The following MACROD2 variants were observed in gnomAD, a reference collection of about 807,000 sequenced individuals.
MACROD2 encodes the protein ADP-ribose glycohydrolase MACROD2.
A neutral mutation model predicts 70.4 loss-of-function variants in MACROD2; 36 were observed. The observed-to-expected ratio is 0.51, with a 90% CI of 0.39 to 0.68. The LOEUF is 0.68. MACROD2 is among the 30% of genes least tolerant of loss of function. The pLI is 0.00. For missense variants in MACROD2, 496 were observed against 538.4 expected (o/e 0.92, Z 0.78); for synonymous variants, 172 against 178.8 (o/e 0.96, Z 0.30).
intron 5 of MACROD2, among the ~76,000 whole-genome samples, chr20:14,768,103 G>A (rs1248796688): frequency 6.6e-6 from 1 of 152,066 alleles, no homozygotes; most frequent in Non-Finnish European, 1.5e-5. Flanking sequence ...AAACATATGT[G>A]TGCATGTGTC....
chr20:14,888,832 C>A (rs1425019900), intron 5 of MACROD2, among the ~76,000 whole-genome samples: 1 of 152,142 alleles, frequency 6.6e-6, no homozygotes, highest in Non-Finnish European at 1.5e-5. Flanking sequence ...AATTAGATAT[C>A]TCCTTTGGTA....
intron 8 of MACROD2, among the ~76,000 whole-genome samples, chr20:15,533,410 C>T (rs1333243250): frequency 3.3e-5 from 5 of 152,142 alleles, no homozygotes; most frequent in African/African-American, 9.7e-5. Flanking sequence ...TATAAACATA[C>T]GCTTTAGGAC....
chr20:14,248,323 G>A (rs1006522605), intron 3 of MACROD2, among the ~76,000 whole-genome samples: 2 of 152,120 alleles, frequency 1.3e-5, no homozygotes, highest in African/African-American at 4.8e-5. Flanking sequence ...CAGTGGCTCA[G>A]CCTGTAAGCT....
chr20:15,388,061 T>C (rs549836986), intron 6 of MACROD2, among the ~76,000 whole-genome samples: 131 of 151,980 alleles, frequency 8.6e-4, no homozygotes, highest in African/African-American at 3.0e-3. Flanking sequence ...TTCGCTAAAC[T>C]CCCCCAACCT....
chr20:15,919,961 G>A (rs1401796487), intron 10 of MACROD2, among the ~76,000 whole-genome samples: 1 of 152,116 alleles, frequency 6.6e-6, no homozygotes, highest in Non-Finnish European at 1.5e-5. Flanking sequence ...TCAACATCAG[G>A]AGGTCTTAGC....
At chr20:14,968,504 G>A (rs1431195141) in intron 5 of MACROD2, among the ~76,000 whole-genome samples, 1 of 152,144 alleles carries the variant, frequency 6.6e-6, no homozygotes, top group Non-Finnish European at 1.5e-5. Flanking sequence ...GTGGTGTCCA[G>A]GCATCAGTTG....
chr20:14,829,824 TA>T (rs2072944086), intron 5 of MACROD2, among the ~76,000 whole-genome samples: 2 of 152,178 alleles, frequency 1.3e-5, no homozygotes, highest in African/African-American at 4.8e-5. Context: ...ATTAATTGTC[TA>T]CAGACAAAAT....
rs71190156 is a variant in MACROD2 at position 14,855,597 on chromosome 20, GTTTTTTTT to G, written c.418+170661_418+170668del. Among the ~76,000 whole-genome samples the G allele has an allele frequency of 7.1e-3, 548 of 77,236 alleles. 6 individuals are homozygous for G. The highest frequency in any genetic ancestry group is 0.023 in the African/African-American group (430 of 18,838). 50.7% of individuals were successfully genotyped at this position (77,236 alleles called of 152,430 possible). A position where few individuals can be genotyped will look rare whatever the true frequency, so the allele number is the denominator to read the frequency against. ...TTCAGAATTTTAGTGATCCTACCAA[GTTTTTTTT>G]TTTTTTTTTTTTTTTTTTTTTTAAT... On this transcript the variant is annotated intron_variant, in intron 5 of 17. Transcript: ENST00000684519.
chr20:14,895,545 G>A (rs1290745729), intron 5 of MACROD2: 2 of 152,030 alleles, frequency 1.3e-5, no homozygotes, highest in Non-Finnish European at 2.9e-5. Context: ...AGGAACAAAG[G>A]GTATCATAAT....
intron 16 of MACROD2, among the ~76,000 whole-genome samples, chr20:16,043,952 G>A (rs6034358): frequency 0.48 from 72,635 of 151,924 alleles, 17,766 homozygotes; most frequent in Non-Finnish European, 0.52. Flanking sequence ...CTGAAGTGAC[G>A]ACTCAGTTTC....
chr20:15,129,738 C>T lies in MACROD2; in HGVS notation c.419-100202C>T, dbSNP rs189235876. 1.7e-4 allele frequency among the ~76,000 whole-genome samples: 26 copies of T among 152,134 alleles called. No homozygotes were observed. In the East Asian group the frequency reaches 3.3e-3, roughly 19 times the overall value. ...CTTCTTTGCTTGTAACTTTAATTTACGGAAAACAGGCTCTTGGTGTCCAGA... is the reference window on the plus strand; with the variant it reads ...CTTCTTTGCTTGTAACTTTAATTTATGGAAAACAGGCTCTTGGTGTCCAGA... On this transcript the variant is annotated intron_variant, in intron 5 of 17. Coordinates refer to ENST00000684519, the MANE Select transcript of MACROD2 (RefSeq NM_001351661.2).
At chr20:14,156,151 C>T (rs2055099551) in intron 3 of MACROD2, among the ~76,000 whole-genome samples, 1 of 151,092 alleles carries the variant, frequency 6.6e-6, no homozygotes, top group African/African-American at 2.4e-5. Flanking sequence ...GACAAAGTCT[C>T]AAAAAAAATA....
At chr20:14,266,241 C>T (rs1025049103) in intron 3 of MACROD2, among the ~76,000 whole-genome samples, 1 of 152,108 alleles carries the variant, frequency 6.6e-6, no homozygotes, top group African/African-American at 2.4e-5. Context: ...GCAATTCAAC[C>T]TCTTTGGGCC....
chr20:14,793,319 A>G (rs1016596738), intron 5 of MACROD2, among the ~76,000 whole-genome samples: 4 of 152,092 alleles, frequency 2.6e-5, no homozygotes, highest in African/African-American at 7.2e-5. Flanking sequence ...GGTAGTATCA[A>G]TAAGACCCGG....
chr20:15,851,750 A>T lies in MACROD2; in HGVS notation c.646-10995A>T, dbSNP rs147879128. On this transcript the variant is annotated intron_variant, in intron 8 of 17. Transcript: ENST00000684519. ...GGGCCTTGAGGCTACTCCGTGAGTC[A>T]GTCATTGGATGCAGGCTGACTTCAG... Among the ~76,000 whole-genome samples, 43 of 152,262 alleles carry T rather than the reference A, an allele frequency of 2.8e-4. 1 individual carries two copies. Among genetic ancestry groups the T allele is most frequent in the Middle Eastern group, 3.4e-3 (1 of 294 alleles).
intron 7 of MACROD2, among the ~76,000 whole-genome samples, chr20:15,476,160 C>T (rs539634433): frequency 4.6e-4 from 70 of 152,218 alleles, no homozygotes; most frequent in African/African-American, 1.5e-3. Context: ...TATACTTTTT[C>T]GAATCCCAAA....
At chr20:15,021,132 A>G (rs544048195) in intron 5 of MACROD2, among the ~76,000 whole-genome samples, 3 of 124,182 alleles carry the variant, frequency 2.4e-5, no homozygotes, top group East Asian at 2.5e-4. Context: ...GTGTGTATAC[A>G]CATACGTGTG....
intron 8 of MACROD2, among the ~76,000 whole-genome samples, chr20:15,821,195 T>C (rs530448224): frequency 6.6e-5 from 10 of 152,328 alleles, no homozygotes. Context: ...ATTGCTTGTC[T>C]TCATATTAAG....
At chr20:15,566,595 A>G (rs367756781) in intron 8 of MACROD2, among the ~76,000 whole-genome samples, 153 of 152,102 alleles carry the variant, frequency 1.0e-3, no homozygotes, top group African/African-American at 3.6e-3. Context: ...TTCCAGTCTC[A>G]TACGTTCCCT....
Sources: allele counts gnomAD v4.1 joint callset (sites outside exome capture counted in the v4.1 genomes callset), GRCh38; gene constraint gnomAD v4.1.1; transcripts MANE v1.5; gene names NCBI Gene and HGNC (gene_info 2026-07-23, HGNC 2026-07-21).